NDUFB2: variants seen among roughly 807,000 people sequenced by gnomAD.
The protein encoded by NDUFB2 is NADH:ubiquinone oxidoreductase subunit B2, also known as NADH dehydrogenase [ubiquinone] 1 beta subcomplex subunit 2, mitochondrial.
NDUFB2 carries 13 observed loss-of-function variants against 13.4 expected under a neutral mutation model. That is an observed-to-expected ratio of 0.97 (90% CI 0.63 to 1.54). The LOEUF is 1.54. Ranked by LOEUF, NDUFB2 falls within the 40% of genes most tolerant of loss-of-function variation. NDUFB2 has a pLI of 0.00. For synonymous variants in NDUFB2, 47 were observed against 50.6 expected (o/e 0.93, Z 0.30); for missense variants, 150 against 139.7 (o/e 1.07, Z -0.37).
intron 1 of NDUFB2, among the ~76,000 whole-genome samples, chr7:140,701,293 C>T (rs1794893474): frequency 6.6e-6 from 1 of 152,148 alleles, no homozygotes; most frequent in Admixed American, 6.6e-5. Flanking sequence ...AATTACAGGC[C>T]TTATCATAAC....
At chr7:140,706,133 A>G (rs937644031) in intron 3 of NDUFB2, 3 of 150,580 alleles carry the variant, frequency 2.0e-5, no homozygotes, top group African/African-American at 7.4e-5. Flanking sequence ...TCATTCTGTC[A>G]TCCAGACTGG....
At chr7:140,702,845 C>A (rs757917891) in intron 1 of NDUFB2, 21 bp from the exon 2 acceptor site, 2 of 1,613,174 alleles carry the variant, frequency 1.2e-6, no homozygotes, top group Non-Finnish European at 8.5e-7. Flanking sequence ...ACGCTGTCTG[C>A]CATGTTGTTT....
chr7:140,702,294 T>C (rs1461361506), intron 1 of NDUFB2, among the ~76,000 whole-genome samples: 2 of 152,262 alleles, frequency 1.3e-5, no homozygotes, highest in Non-Finnish European at 2.9e-5. Context: ...ACTATAACTC[T>C]TATGGACTCT....
intron 2 of NDUFB2, among the ~76,000 whole-genome samples, chr7:140,703,581 G>T (rs1484399859): frequency 6.6e-6 from 1 of 150,644 alleles, no homozygotes; most frequent in Non-Finnish European, 1.5e-5. Context: ...GGCCAGAAAT[G>T]AATTCTTTTA....
At chr7:140,697,490 C>A in intron 1 of NDUFB2, 1 of 687,720 alleles carries the variant, frequency 1.5e-6, no homozygotes, top group South Asian at 1.5e-5. Flanking sequence ...AGACGCAGAC[C>A]GGAGGGCGGA....
At chr7:140,699,370 C>T (rs982618004) in intron 1 of NDUFB2, among the ~76,000 whole-genome samples, 16 of 152,070 alleles carry the variant, frequency 1.1e-4, no homozygotes, top group Non-Finnish European at 1.0e-4. Context: ...TCTTTGAGAT[C>T]GTGCTTCTCT....
At chr7:140,703,514 A>G (rs1022137896) in intron 2 of NDUFB2, among the ~76,000 whole-genome samples, 17 of 151,812 alleles carry the variant, frequency 1.1e-4, no homozygotes, top group African/African-American at 4.1e-4. Flanking sequence ...ACCTCAAGTG[A>G]TCCACCTGAC....
intron 2 of NDUFB2, among the ~76,000 whole-genome samples, chr7:140,704,133 C>T (rs925089842): frequency 7.9e-5 from 12 of 152,194 alleles, no homozygotes; most frequent in African/African-American, 2.9e-4. Context: ...TGGGAAATTA[C>T]GTCTTTAAGA....
chr7:140,702,883 A>T lies in NDUFB2; in HGVS notation c.116A>T (p.His39Leu). Residue 39 changes from histidine to leucine, a missense_variant, in exon 2 of 4, where the codon CAC becomes CTC. Coordinates refer to ENST00000247866, the MANE Select transcript of NDUFB2 (RefSeq NM_004546.3). ...GGVRHAGGGV[H>L]IEPRYRQFPQ... ...TCTTGCAGTGCCGGTGGTGGTGTGC[A>T]CATTGAGCCCCGGTATAGACAGTTC... 2 of 1,614,114 alleles carry T rather than the reference A, an allele frequency of 1.2e-6. No homozygotes were observed. The highest frequency in any genetic ancestry group is 1.7e-6 in the Non-Finnish European group (2 of 1,180,030).
intron 1 of NDUFB2, chr7:140,698,194 G>A (rs776852732): frequency 7.4e-7 from 1 of 1,352,096 alleles, no homozygotes; most frequent in East Asian, 4.5e-5. Context: ...CTTGGGCAAA[G>A]ACAGTGATGG....
At chr7:140,700,508 C>T (rs960131369) in intron 1 of NDUFB2, among the ~76,000 whole-genome samples, 1 of 151,250 alleles carries the variant, frequency 6.6e-6, no homozygotes, top group Non-Finnish European at 1.5e-5. Context: ...GGCTCTTGGC[C>T]GGGCACAGTG....
Position 140,696,806 on chromosome 7 carries a change from G to A in NDUFB2, c.62G>A (p.Gly21Asp), listed in dbSNP as rs1186180592. 7 of 1,609,154 alleles carry A rather than the reference G, an allele frequency of 4.4e-6. No homozygotes were observed. Among genetic ancestry groups the A allele is most frequent in the Admixed American group, 3.4e-5 (2 of 59,480 alleles). The change falls in exon 1 of 4, where the codon GGC becomes GAC. Residue 21 changes from glycine to aspartate, a missense_variant. By Grantham distance (94) the Gly-to-Asp change is moderately conservative. Coordinates refer to ENST00000247866, the MANE Select transcript of NDUFB2 (RefSeq NM_004546.3). ...GTTGGAGGCCGCCTTTTCAGAAGCG[G>A]CTGCGCACGGACTGCTGGAGATGGT... Reference protein sequence around the residue: ...ARVGGRLFRSGCARTAGDGGV... With the variant: ...ARVGGRLFRSDCARTAGDGGV...
chr7:140,699,029 G>T (rs1016453643), intron 1 of NDUFB2, among the ~76,000 whole-genome samples: 2 of 152,030 alleles, frequency 1.3e-5, no homozygotes, highest in Non-Finnish European at 2.9e-5. Flanking sequence ...ATGGTAGTGT[G>T]CGCCTGTAAT....
intron 2 of NDUFB2, among the ~76,000 whole-genome samples, 163 bp downstream of exon 2, chr7:140,703,173 CAT>C (rs1450474939): frequency 1.3e-5 from 2 of 151,890 alleles, no homozygotes; most frequent in Non-Finnish European, 2.9e-5. Flanking sequence ...TTTAATGAAA[CAT>C]GTTATCTTCT....
chr7:140,702,271 A>G (rs1178345034), intron 1 of NDUFB2, among the ~76,000 whole-genome samples: 2 of 152,238 alleles, frequency 1.3e-5, no homozygotes, highest in Non-Finnish European at 2.9e-5. Context: ...TTATACTCCA[A>G]CTGAATAAAT....
intron 1 of NDUFB2, chr7:140,697,076 T>C: frequency 3.4e-6 from 2 of 588,160 alleles, no homozygotes; most frequent in Non-Finnish European, 3.0e-6. Flanking sequence ...GCCGTCATGG[T>C]AGTAGGGGCC....
Position 140,696,849 on chromosome 7 carries a change from G to A in NDUFB2, c.98+7G>A, listed in dbSNP as rs1169299271. The A allele has an allele frequency of 1.3e-6, 2 of 1,598,512 alleles. No homozygotes were observed. The highest frequency in any genetic ancestry group is 8.5e-7 in the Non-Finnish European group (1 of 1,172,982). The stretch of plus-strand genomic sequence containing the variant: ...GAGATGGTGGAGTCCGTCAGTGAGT[G>A]TGGGGCTGGGGATGGGGGCCTCGCC... On this transcript the variant is annotated splice_region_variant and intron_variant, in intron 1 of 3. Coordinates refer to ENST00000247866, the MANE Select transcript of NDUFB2 (RefSeq NM_004546.3).
At chr7:140,698,621 A>G (rs1456227006) in intron 1 of NDUFB2, among the ~76,000 whole-genome samples, 3 of 152,096 alleles carry the variant, frequency 2.0e-5, no homozygotes, top group Non-Finnish European at 4.4e-5. Flanking sequence ...CCTCAAGGGA[A>G]GAGCCCGGTG....
Position 140,696,734 on chromosome 7 carries a change from C to G in NDUFB2, c.-11C>G. On this transcript the variant is annotated 5_prime_UTR_variant, in exon 1 of 4. Coordinates refer to ENST00000247866, the MANE Select transcript of NDUFB2 (RefSeq NM_004546.3). ...AGGCGGCTGGGGACCGCGGGGCGGA[C>G]GGGAGCGAGTATGTCCGCTCTGACT... 2 of 1,578,782 alleles carry G rather than the reference C, an allele frequency of 1.3e-6. No individual in the cohort carries two copies. Among genetic ancestry groups the G allele is most frequent in the Middle Eastern group, 1.9e-4 (1 of 5,138 alleles).
Sources: gnomAD v4.1 joint callset for allele counts (sites outside exome capture counted in the v4.1 genomes callset) on GRCh38, gnomAD v4.1.1 for gene constraint, MANE v1.5 for transcripts, NCBI Gene and HGNC (gene_info 2026-07-23, HGNC 2026-07-21) for gene names.